Variants in COBL observed in about 807,000 individuals in gnomAD.
COBL encodes the protein protein cordon-bleu.
In COBL, 51 loss-of-function variants were observed where a neutral mutation model predicts 98.8. That is an observed-to-expected ratio of 0.52 (90% CI 0.41 to 0.65). The LOEUF is 0.65. Ranked by LOEUF, COBL falls within the 30% of genes least tolerant of loss-of-function variation. COBL has a pLI of 0.00. For missense variants in COBL, 1,617 were observed against 1,617.5 expected, an observed-to-expected ratio of 1.00 and a Z score of 0.01; for synonymous variants, 634 against 651.7, an observed-to-expected ratio of 0.97 and a Z score of 0.41.
intron 1 of COBL, among the ~76,000 whole-genome samples, chr7:51,284,129 CAAAAA>C (rs71021763): frequency 7.5e-5 from 5 of 66,244 alleles, no homozygotes; most frequent in Non-Finnish European, 1.1e-4. Context: ...ACCAAAAATA[CAAAAA>C]AAAAAAAAAA....
chr7:51,139,257 A>G (rs1799519494), intron 5 of COBL, among the ~76,000 whole-genome samples: 1 of 152,186 alleles, frequency 6.6e-6, no homozygotes, highest in African/African-American at 2.4e-5. Flanking sequence ...AGCACATTAG[A>G]AGTGTCTAAT....
At chr7:51,272,843 G>T (rs369728352) in intron 1 of COBL, among the ~76,000 whole-genome samples, 1 of 152,130 alleles carries the variant, frequency 6.6e-6, no homozygotes, top group African/African-American at 2.4e-5. Context: ...CAATTCTAGG[G>T]TCACAATTCT....
intron 6 of COBL, among the ~76,000 whole-genome samples, chr7:51,086,551 C>G (rs1332993119): frequency 1.3e-5 from 2 of 151,790 alleles, no homozygotes; most frequent in African/African-American, 2.4e-5. Context: ...CCTTGGTGCT[C>G]TCTGGTTTAT....
chr7:51,188,135 T>C (rs550399024), intron 4 of COBL, among the ~76,000 whole-genome samples: 9 of 152,246 alleles, frequency 5.9e-5, no homozygotes, highest in African/African-American at 1.7e-4. Flanking sequence ...CACAGCTGCA[T>C]AGCCTGCTAA....
intron 6 of COBL, among the ~76,000 whole-genome samples, chr7:51,099,925 T>C (rs1795665859): frequency 6.6e-6 from 1 of 152,212 alleles, no homozygotes; most frequent in East Asian, 1.9e-4. Flanking sequence ...TTTCTAGGCC[T>C]AGAGGCTGGT....
intron 6 of COBL, among the ~76,000 whole-genome samples, chr7:51,130,050 C>T (rs986654244): frequency 3.3e-5 from 5 of 152,260 alleles, no homozygotes; most frequent in African/African-American, 4.8e-5. Flanking sequence ...TCTGGATACA[C>T]TTCAAAGGAA....
intron 1 of COBL, among the ~76,000 whole-genome samples, chr7:51,257,360 C>T (rs1414931744): frequency 1.3e-5 from 2 of 152,098 alleles, no homozygotes; most frequent in East Asian, 1.9e-4. Context: ...ACAATGCAGT[C>T]GAATATGCCA....
rs1354260483 is a variant in COBL, at chr7:51,085,312, G to A, written c.958-8C>T. On this transcript the variant is annotated splice_region_variant and splice_polypyrimidine_tract_variant and intron_variant, in intron 6 of 12. Transcript: ENST00000265136. The stretch of plus-strand genomic sequence containing the variant: ...CTGTGACCCAAGAGATACCTATGAA[G>A]TACAAAGAAGGAAAGTACAATCAAA... The A allele has an allele frequency of 6.7e-7, 1 of 1,499,854 alleles. No homozygotes were observed. Among genetic ancestry groups the A allele is most frequent in the Non-Finnish European group, 8.9e-7 (1 of 1,125,232 alleles). 92.9% of individuals were successfully genotyped at this position (1,499,854 alleles called of 1,614,324 possible). A position where few individuals can be genotyped will look rare whatever the true frequency, so the allele number is the denominator to read the frequency against.
At position 51,026,428 on chromosome 7, in the gene COBL, G is replaced by T. The variant is rs369897882; in HGVS notation, c.3504+118C>A. ...GGCTGGGATGGCCACTCTAAAGACA[G>T]ATGGTTCACCATCCAATCGGAAGGA... is the stretch of plus-strand genomic sequence containing the variant. On this transcript the variant is annotated intron_variant, in intron 11 of 12. Coordinates refer to ENST00000265136, the MANE Select transcript of COBL (RefSeq NM_015198.5). 151 of 1,366,920 alleles carry T rather than the reference G, an allele frequency of 1.1e-4. 2 individuals carry two copies. The East Asian group carries it at 1.8e-3, about 17-fold the overall frequency. 84.7% of individuals were successfully genotyped at this position (1,366,920 alleles called of 1,614,324 possible).
At chr7:51,260,263 A>G (rs1263602666) in intron 1 of COBL, 1 of 493,066 alleles carries the variant, frequency 2.0e-6, no homozygotes, top group Non-Finnish European at 3.5e-6. Context: ...TTAAAGACCT[A>G]AAATAAATTA....
intron 1 of COBL, among the ~76,000 whole-genome samples, chr7:51,247,329 T>A (rs1217890883): frequency 6.6e-6 from 1 of 152,222 alleles, no homozygotes. Context: ...GCCAGTGGAA[T>A]CATGTTCTCT....
intron 1 of COBL, among the ~76,000 whole-genome samples, chr7:51,272,946 T>TACC (rs376522276): frequency 1.3e-5 from 2 of 148,476 alleles, no homozygotes; most frequent in African/African-American, 2.6e-5. Flanking sequence ...TGGAACACAA[T>TACC]ACCAACAACA....
intron 2 of COBL, among the ~76,000 whole-genome samples, chr7:51,199,549 G>A (rs1790926136): frequency 6.6e-6 from 1 of 152,142 alleles, no homozygotes; most frequent in Admixed American, 6.5e-5. Flanking sequence ...TGAGCTTCAG[G>A]AGAATACAGA....
chr7:51,225,493 T>TA (rs768050978), intron 1 of COBL, among the ~76,000 whole-genome samples: 15 of 151,970 alleles, frequency 9.9e-5, no homozygotes, highest in Non-Finnish European at 1.3e-4. Context: ...CCCCCTCCAG[T>TA]AGGAGGCAGG....
intron 7 of COBL, 133 bp downstream of exon 7, chr7:51,085,033 C>A: frequency 2.3e-6 from 3 of 1,305,750 alleles, no homozygotes; most frequent in South Asian, 2.7e-5. Flanking sequence ...TCCAGCCCTT[C>A]TTTCTTTAGC....
chr7:51,062,210 G>C (rs948997874), intron 7 of COBL, among the ~76,000 whole-genome samples: 1 of 152,022 alleles, frequency 6.6e-6, no homozygotes, highest in South Asian at 2.1e-4. Flanking sequence ...GCTTTCCCAG[G>C]ATGCAACCCT....
At chr7:51,123,854 G>C (rs1319756174) in intron 6 of COBL, among the ~76,000 whole-genome samples, 1 of 152,162 alleles carries the variant, frequency 6.6e-6, no homozygotes, top group Non-Finnish European at 1.5e-5. Context: ...ACCCCAGGCA[G>C]AGGCTGCAGA....
intron 7 of COBL, among the ~76,000 whole-genome samples, chr7:51,050,191 T>C (rs1042487502): frequency 1.3e-5 from 2 of 152,186 alleles, no homozygotes; most frequent in Admixed American, 1.3e-4. Flanking sequence ...GAAAAACATT[T>C]ATGGATCTAA....
intron 7 of COBL, among the ~76,000 whole-genome samples, chr7:51,082,215 G>A (rs1339765590): frequency 2.0e-5 from 3 of 152,168 alleles, no homozygotes; most frequent in South Asian, 2.1e-4. Context: ...ACTCATGTGG[G>A]CACCAGCAGG....
Sources: allele counts gnomAD v4.1 joint callset (sites outside exome capture counted in the v4.1 genomes callset), GRCh38; gene constraint gnomAD v4.1.1; transcripts MANE v1.5; gene names NCBI Gene and HGNC (gene_info 2026-07-23, HGNC 2026-07-21).